The following KLHL1 variants were observed in gnomAD, a reference collection of about 807,000 sequenced individuals.
The protein encoded by KLHL1 is kelch like family member 1.
KLHL1 carries 47 observed loss-of-function variants against 77.7 expected under a neutral mutation model. That is an observed-to-expected ratio of 0.60 (90% CI 0.48 to 0.77). The LOEUF is 0.77. KLHL1 is among the 30% of genes least tolerant of loss of function. The pLI is 0.00. For synonymous variants in KLHL1, 360 were observed against 325.2 expected (o/e 1.11, Z -1.15); for missense variants, 925 against 910.8 (o/e 1.02, Z -0.20).
chr13:69,987,564 T>C (rs1044040449), intron 1 of KLHL1, among the ~76,000 whole-genome samples: 4 of 148,964 alleles, frequency 2.7e-5, no homozygotes, highest in African/African-American at 9.9e-5. Context: ...GAGGGTGGAG[T>C]AAAGGGAATG....
At chr13:69,732,477 T>C (rs1213287643) in intron 8 of KLHL1, among the ~76,000 whole-genome samples, 1 of 152,100 alleles carries the variant, frequency 6.6e-6, no homozygotes, top group Non-Finnish European at 1.5e-5. Context: ...TTTTAAGCTG[T>C]TGTCTCTCAG....
intron 5 of KLHL1, among the ~76,000 whole-genome samples, chr13:69,856,875 A>G (rs1290136283): frequency 2.0e-5 from 3 of 152,148 alleles, no homozygotes; most frequent in East Asian, 3.9e-4. Flanking sequence ...ACAATTTCAT[A>G]GTAATCCTTT....
At chr13:70,084,820 T>C (rs1233149464) in intron 1 of KLHL1, among the ~76,000 whole-genome samples, 1 of 151,780 alleles carries the variant, frequency 6.6e-6, no homozygotes, top group Non-Finnish European at 1.5e-5. Flanking sequence ...TGATTAAAAT[T>C]CTAAAGAATA....
intron 1 of KLHL1, among the ~76,000 whole-genome samples, chr13:70,076,029 C>G (rs1008406929): frequency 6.6e-6 from 1 of 151,282 alleles, no homozygotes; most frequent in Non-Finnish European, 1.5e-5. Flanking sequence ...TATATGGAAG[C>G]CTCAAATAAT....
At chr13:69,834,685 T>C (rs1462753591) in intron 6 of KLHL1, among the ~76,000 whole-genome samples, 1 of 152,116 alleles carries the variant, frequency 6.6e-6, no homozygotes, top group African/African-American at 2.4e-5. Flanking sequence ...CAATTAATAG[T>C]AAGTGTTTCT....
At chr13:69,963,074 T>A (rs1399389814) in intron 2 of KLHL1, among the ~76,000 whole-genome samples, 3 of 152,126 alleles carry the variant, frequency 2.0e-5, no homozygotes, top group Non-Finnish European at 4.4e-5. Context: ...TTCAGCATTT[T>A]TTTTAGAGAC....
At chr13:69,812,414 G>A (rs970442748) in intron 6 of KLHL1, among the ~76,000 whole-genome samples, 19 of 152,106 alleles carry the variant, frequency 1.2e-4, no homozygotes, top group African/African-American at 4.3e-4. Flanking sequence ...ATAGGCATAG[G>A]CAAGGACTTC....
At position 69,733,068 on chromosome 13, in the gene KLHL1, TACTC is replaced by T. The variant is rs1296300968; in HGVS notation, c.1802+7322_1802+7325del. The stretch of plus-strand genomic sequence containing the variant: ...TGGTTAACTAGTAAGTTTTTTTACT[TACTC>T]AACAAAACTTTATATTTAATATTAA... On this transcript the variant is annotated intron_variant, in intron 8 of 10. Transcript: ENST00000377844. 4.6e-5 allele frequency among the ~76,000 whole-genome samples: 7 copies of T among 152,276 alleles called. No individual in the cohort carries two copies. The East Asian group carries it at 5.8e-4, about 13-fold the overall frequency.
At chr13:69,851,295 C>T (rs1352076714) in intron 5 of KLHL1, among the ~76,000 whole-genome samples, 1 of 151,704 alleles carries the variant, frequency 6.6e-6, no homozygotes, top group Non-Finnish European at 1.5e-5. Flanking sequence ...AACTACTACG[C>T]TTCCTTTAGT....
chr13:69,780,441 C>T (rs1053790908), intron 7 of KLHL1, among the ~76,000 whole-genome samples: 3 of 151,780 alleles, frequency 2.0e-5, no homozygotes, highest in Non-Finnish European at 2.9e-5. Flanking sequence ...GAAGAGGGCA[C>T]ACACATATGA....
In KLHL1 at chr13:69,701,575, A is replaced by G. The variant is rs1875395716; in HGVS notation, c.*127T>C. 9 of 657,528 alleles carry G rather than the reference A, an allele frequency of 1.4e-5. No homozygotes were observed. Among genetic ancestry groups the G allele is most frequent in the Non-Finnish European group, 2.2e-5 (8 of 372,054 alleles). The allele number at this position is 657,528 out of a possible 1,614,324, so 40.7% of individuals were successfully genotyped here. ...TTGATCTACTAACTCTTTCAACATC[A>G]GTAGGTAACGCTACAGAGATCCTTG... On this transcript the variant is annotated 3_prime_UTR_variant, in exon 11 of 11. Transcript: ENST00000377844.
intron 4 of KLHL1, among the ~76,000 whole-genome samples, chr13:69,939,371 A>ACACATATACATACTATATG (rs1883289948): frequency 9.0e-6 from 1 of 110,742 alleles, no homozygotes; most frequent in African/African-American, 3.5e-5. Flanking sequence ...ATATATATAT[A>ACACATATACATACTATATG]TATATATACA....
chr13:70,095,100 A>C (rs1052356175), intron 1 of KLHL1, among the ~76,000 whole-genome samples: 3 of 152,160 alleles, frequency 2.0e-5, no homozygotes, highest in Non-Finnish European at 2.9e-5. Flanking sequence ...TTGAAAGCAC[A>C]ATTTCTGCTC....
At chr13:69,784,468 C>T (rs1876404579) in intron 7 of KLHL1, among the ~76,000 whole-genome samples, 1 of 151,688 alleles carries the variant, frequency 6.6e-6, no homozygotes, top group African/African-American at 2.4e-5. Context: ...CACATAGGCT[C>T]AAAATAAAGG....
intron 1 of KLHL1, among the ~76,000 whole-genome samples, chr13:70,095,833 C>T (rs998000875): frequency 2.6e-5 from 4 of 151,884 alleles, no homozygotes; most frequent in African/African-American, 7.3e-5. Flanking sequence ...CCCTCCACCC[C>T]CCCCACCACA....
At chr13:69,871,198 C>T (rs917051144) in intron 5 of KLHL1, among the ~76,000 whole-genome samples, 3 of 152,112 alleles carry the variant, frequency 2.0e-5, no homozygotes, top group Non-Finnish European at 2.9e-5. Context: ...GGAACAATGG[C>T]CTAAGCAGTA....
chr13:69,702,176 T>C (rs2137863900), intron 10 of KLHL1, among the ~76,000 whole-genome samples: 2 of 151,810 alleles, frequency 1.3e-5, no homozygotes, highest in Admixed American at 1.3e-4. Flanking sequence ...TCCCCAGATA[T>C]TGTATTGAAT....
chr13:69,762,743 T>G (rs1875086638), intron 7 of KLHL1, among the ~76,000 whole-genome samples: 1 of 150,246 alleles, frequency 6.7e-6, no homozygotes, highest in South Asian at 2.2e-4. Context: ...TCTGCCATCA[T>G]GAGACTCTTA....
At chr13:69,864,482 T>A (rs896177309) in intron 5 of KLHL1, among the ~76,000 whole-genome samples, 2 of 151,918 alleles carry the variant, frequency 1.3e-5, no homozygotes, top group African/African-American at 2.4e-5. Flanking sequence ...AAAAGCCAAA[T>A]TGTAATAAGT....
Sources: gnomAD v4.1 joint callset for allele counts (sites outside exome capture counted in the v4.1 genomes callset) on GRCh38, gnomAD v4.1.1 for gene constraint, MANE v1.5 for transcripts, NCBI Gene and HGNC (gene_info 2026-07-23, HGNC 2026-07-21) for gene names.